WWOX: variants seen among roughly 807,000 people sequenced by gnomAD.
WWOX encodes WW domain containing oxidoreductase, also known as WW domain-containing oxidoreductase.
Under a neutral mutation model 46.2 loss-of-function variants are expected in WWOX, and 69 were observed. That is an observed-to-expected ratio of 1.49 (90% CI 1.23 to 1.82). The LOEUF is 1.82. WWOX is among the 40% of genes most tolerant of loss of function. The pLI, the probability that WWOX is intolerant of heterozygous loss-of-function variation, is 0.00. For missense variants in WWOX, 919 were observed against 542.6 expected, an observed-to-expected ratio of 1.69 and a Z score of -6.89; for synonymous variants, 359 against 202.6, an observed-to-expected ratio of 1.77 and a Z score of -6.56.
intron 8 of WWOX, among the ~76,000 whole-genome samples, chr16:78,675,479 T>A (rs2047574205): frequency 6.6e-6 from 1 of 152,186 alleles, no homozygotes; most frequent in Admixed American, 6.5e-5. Context: ...CTTGCCATGT[T>A]CCAGGCACGG....
At chr16:78,482,289 G>A (rs564543431) in intron 8 of WWOX, among the ~76,000 whole-genome samples, 4 of 152,248 alleles carry the variant, frequency 2.6e-5, no homozygotes, top group Admixed American at 6.5e-5. Flanking sequence ...AGGCTAGAGT[G>A]CAGTGGCGCG....
chr16:78,349,425 G>A (rs993662106), intron 5 of WWOX, among the ~76,000 whole-genome samples: 1 of 121,150 alleles, frequency 8.3e-6, no homozygotes, highest in Non-Finnish European at 2.0e-5. Flanking sequence ...GAATACCACT[G>A]CCTAATGTTT....
chr16:78,146,125 C>G (rs778510790), intron 4 of WWOX, among the ~76,000 whole-genome samples: 1 of 152,032 alleles, frequency 6.6e-6, no homozygotes, highest in South Asian at 2.1e-4. Flanking sequence ...ATTCTAGTTG[C>G]GCATGCTTCC....
chr16:78,850,521 G>C (rs2052415828), intron 8 of WWOX, among the ~76,000 whole-genome samples: 1 of 152,132 alleles, frequency 6.6e-6, no homozygotes, highest in Non-Finnish European at 1.5e-5. Flanking sequence ...TTACTGCTAA[G>C]AATAATGTTG....
chr16:78,590,519 A>G (rs1410593737), intron 8 of WWOX, among the ~76,000 whole-genome samples: 2 of 152,234 alleles, frequency 1.3e-5, no homozygotes, highest in Non-Finnish European at 2.9e-5. Context: ...TAGGGAGCAG[A>G]TTAGACAAGA....
intron 8 of WWOX, among the ~76,000 whole-genome samples, chr16:78,846,293 C>T (rs1481633814): frequency 1.3e-5 from 2 of 152,220 alleles, no homozygotes; most frequent in Non-Finnish European, 2.9e-5. Flanking sequence ...ATTAACTACA[C>T]TCAGACTATA....
intron 8 of WWOX, among the ~76,000 whole-genome samples, chr16:79,137,887 G>A (rs2050013677): frequency 6.6e-6 from 1 of 152,122 alleles, no homozygotes; most frequent in Admixed American, 6.5e-5. Flanking sequence ...ACCAAAGTTA[G>A]GGGGTGGGGG....
chr16:79,114,781 C>T (rs2049481329), intron 8 of WWOX, among the ~76,000 whole-genome samples: 1 of 152,160 alleles, frequency 6.6e-6, no homozygotes, highest in Non-Finnish European at 1.5e-5. Context: ...AGTAAACCAG[C>T]TGCCCCGAGC....
chr16:78,935,354 C>A (rs778460608), intron 8 of WWOX, among the ~76,000 whole-genome samples: 2 of 152,142 alleles, frequency 1.3e-5, no homozygotes, highest in African/African-American at 4.8e-5. Flanking sequence ...GGAACCAACT[C>A]AGATGTTCAT....
At chr16:78,869,422 C>T (rs1251621189) in intron 8 of WWOX, among the ~76,000 whole-genome samples, 1 of 152,152 alleles carries the variant, frequency 6.6e-6, no homozygotes, top group Non-Finnish European at 1.5e-5. Flanking sequence ...TGGCAATTGC[C>T]TGGACTACAG....
At chr16:78,870,301 C>G (rs949222501) in intron 8 of WWOX, among the ~76,000 whole-genome samples, 1 of 152,120 alleles carries the variant, frequency 6.6e-6, no homozygotes, top group Non-Finnish European at 1.5e-5. Context: ...TATAGACACA[C>G]ATTACTTCTT....
intron 8 of WWOX, among the ~76,000 whole-genome samples, chr16:78,680,325 C>T (rs564587891): frequency 1.2e-3 from 184 of 152,230 alleles, no homozygotes; most frequent in African/African-American, 4.1e-3. Flanking sequence ...GGGAGGATTG[C>T]GTGAGCCCAG....
intron 4 of WWOX, among the ~76,000 whole-genome samples, chr16:78,146,833 C>T (rs2034215850): frequency 6.6e-6 from 1 of 152,202 alleles, no homozygotes; most frequent in South Asian, 2.1e-4. Flanking sequence ...TTGTTCCGTG[C>T]ATCCTGGCAT....
chr16:78,837,671 A>G (rs938909641), intron 8 of WWOX, among the ~76,000 whole-genome samples: 16 of 152,214 alleles, frequency 1.1e-4, no homozygotes, highest in African/African-American at 3.9e-4. Flanking sequence ...TCTTATACCA[A>G]GAAAGAGGGG....
At position 78,596,509 on chromosome 16, in the gene WWOX, T is replaced by G. The variant is rs568599010; in HGVS notation, c.1056+163757T>G. Reference sequence around the variant, plus strand: ...GGGGTGCTAAGGTGACTTCCAAGATTGAGGTTGGCGAGATCGTGACAGGTG... The same window carrying G: ...GGGGTGCTAAGGTGACTTCCAAGATGGAGGTTGGCGAGATCGTGACAGGTG... On this transcript the variant is annotated intron_variant, in intron 8 of 8. Coordinates refer to ENST00000566780, the MANE Select transcript of WWOX (RefSeq NM_016373.4). 5.3e-5 allele frequency among the ~76,000 whole-genome samples: 8 copies of G among 151,850 alleles called. No homozygotes were observed. The South Asian group carries it at 1.7e-3, about 32-fold the overall frequency.
intron 8 of WWOX, among the ~76,000 whole-genome samples, chr16:78,780,815 C>T (rs185733984): frequency 2.8e-4 from 42 of 152,206 alleles, no homozygotes; most frequent in African/African-American, 9.6e-4. Context: ...TGGTGGATAC[C>T]AGCTAGGATT....
At chr16:78,685,694 C>A (rs1222940048) in intron 8 of WWOX, among the ~76,000 whole-genome samples, 1 of 152,200 alleles carries the variant, frequency 6.6e-6, no homozygotes, top group African/African-American at 2.4e-5. Flanking sequence ...TAGCACAGAA[C>A]TCCTGTCCTC....
chr16:78,542,755 C>G (rs950976342), intron 8 of WWOX, among the ~76,000 whole-genome samples: 3 of 152,162 alleles, frequency 2.0e-5, no homozygotes, highest in African/African-American at 7.2e-5. Flanking sequence ...TCAATGAATG[C>G]ATTTCTGTGA....
intron 8 of WWOX, among the ~76,000 whole-genome samples, chr16:79,118,179 C>G (rs370187201): frequency 1.1e-4 from 17 of 152,268 alleles, no homozygotes; most frequent in African/African-American, 3.9e-4. Flanking sequence ...CACTGAAAAG[C>G]CATTGAAGGG....
Sources: gnomAD v4.1 joint callset for allele counts (sites outside exome capture counted in the v4.1 genomes callset) on GRCh38, gnomAD v4.1.1 for gene constraint, MANE v1.5 for transcripts, NCBI Gene and HGNC (gene_info 2026-07-23, HGNC 2026-07-21) for gene names.